Variants in ENOX1 observed in about 807,000 individuals in gnomAD.
The protein encoded by ENOX1 is candidate growth-related and time keeping constitutive hydroquinone (NADH) oxidase.
A neutral mutation model predicts 82.5 loss-of-function variants in ENOX1; 42 were observed. That is an observed-to-expected ratio of 0.51 (90% CI 0.40 to 0.66). The LOEUF is 0.66. ENOX1 is among the 30% of genes least tolerant of loss of function. The probability of loss-of-function intolerance (pLI) is 0.00; values close to 1 mark genes in which losing one functional copy is unlikely to be tolerated. For missense variants in ENOX1, 608 were observed against 811.6 expected (o/e 0.75, Z 3.05); for synonymous variants, 271 against 282.2 (o/e 0.96, Z 0.40).
intron 7 of ENOX1, 75 bp from the exon 8 acceptor site, chr13:43,356,227 G>A (rs1293254640): frequency 1.7e-5 from 22 of 1,316,722 alleles, no homozygotes; most frequent in South Asian, 1.5e-4. Context: ...TTCAAGGCAC[G>A]CTTAGGCAAA....
chr13:43,419,362 T>C (rs2054837090), intron 3 of ENOX1, among the ~76,000 whole-genome samples: 1 of 152,052 alleles, frequency 6.6e-6, no homozygotes, highest in East Asian at 1.9e-4. Context: ...CTGGGCAACA[T>C]AGGGCGATTT....
chr13:43,737,048 CATTTCTTTT>C (rs1160921567), intron 1 of ENOX1, among the ~76,000 whole-genome samples: 2 of 152,206 alleles, frequency 1.3e-5, no homozygotes, highest in South Asian at 2.1e-4. Flanking sequence ...TTCATGCTTA[CATTTCTTTT>C]AGAATACTGA....
intron 1 of ENOX1, among the ~76,000 whole-genome samples, chr13:43,756,555 G>A (rs1950652834): frequency 6.6e-6 from 1 of 150,894 alleles, no homozygotes; most frequent in Admixed American, 6.6e-5. Context: ...GAGGCAGAGA[G>A]AGAGATGTGC....
At chr13:43,473,102 A>G (rs1038672346) in intron 3 of ENOX1, among the ~76,000 whole-genome samples, 2 of 152,126 alleles carry the variant, frequency 1.3e-5, no homozygotes, top group African/African-American at 4.8e-5. Context: ...ATAAACAGAT[A>G]TTTTCCAAGC....
intron 14 of ENOX1, among the ~76,000 whole-genome samples, chr13:43,247,671 G>A (rs1390583243): frequency 1.3e-5 from 2 of 148,942 alleles, no homozygotes; most frequent in South Asian, 2.2e-4. Context: ...CCTCTTGCAC[G>A]GTCCCAGTGC....
At chr13:43,644,504 A>G (rs2083806393) in intron 2 of ENOX1, among the ~76,000 whole-genome samples, 2 of 152,232 alleles carry the variant, frequency 1.3e-5, no homozygotes, top group Admixed American at 1.3e-4. Flanking sequence ...ATAGACAATA[A>G]GTGAATGCTT....
At chr13:43,239,239 G>A (rs968410932) in intron 14 of ENOX1, among the ~76,000 whole-genome samples, 2 of 152,160 alleles carry the variant, frequency 1.3e-5, no homozygotes, top group African/African-American at 2.4e-5. Flanking sequence ...GTCATGGCCA[G>A]TGACTGGAGT....
chr13:43,672,877 C>T (rs2153791920), intron 1 of ENOX1, among the ~76,000 whole-genome samples: 1 of 152,238 alleles, frequency 6.6e-6, no homozygotes, highest in African/African-American at 2.4e-5. Context: ...CATCTGAATT[C>T]ACTACCTACA....
chr13:43,361,403 T>C lies in ENOX1; in HGVS notation c.258A>G (p.Gly86=). Reference sequence around the variant, plus strand: ...GTATCATTGGGTTAATGGGGGTGATTCCAGTCATCATGTTGAGGCTTGGAT... The same window carrying C: ...GTATCATTGGGTTAATGGGGGTGATCCCAGTCATCATGTTGAGGCTTGGAT... ...GFDPSLNMMT[G]ITPINPMIPG... Residue 86 remains glycine, a synonymous_variant, in exon 6 of 17, where the codon GGA becomes GGG. Transcript: ENST00000690772. The C allele has an allele frequency of 6.2e-7, 1 of 1,613,312 alleles. No homozygotes were observed. Among genetic ancestry groups the C allele is most frequent in the East Asian group, 2.2e-5 (1 of 44,848 alleles).
intron 2 of ENOX1, among the ~76,000 whole-genome samples, chr13:43,584,173 C>G (rs1259513649): frequency 1.3e-5 from 2 of 152,172 alleles, no homozygotes; most frequent in African/African-American, 2.4e-5. Context: ...TTGCAGGAGG[C>G]AAAAGCAGCT....
intron 2 of ENOX1, among the ~76,000 whole-genome samples, chr13:43,496,982 A>G (rs966434928): frequency 6.6e-6 from 1 of 152,184 alleles, no homozygotes; most frequent in Non-Finnish European, 1.5e-5. Flanking sequence ...AACTTTTGGG[A>G]CTGTGTTAAA....
At chr13:43,292,009 C>A (rs2046027946) in intron 12 of ENOX1, among the ~76,000 whole-genome samples, 1 of 152,170 alleles carries the variant, frequency 6.6e-6, no homozygotes. Flanking sequence ...CAGAGCTTCA[C>A]AGAAAAGCAA....
chr13:43,715,060 T>C (rs1427617412), intron 1 of ENOX1, among the ~76,000 whole-genome samples: 12 of 152,188 alleles, frequency 7.9e-5, no homozygotes, highest in Admixed American at 7.9e-4. Flanking sequence ...GGTTGTTCCT[T>C]TCCATGTTTA....
At chr13:43,316,399 T>C (rs1200118396) in intron 11 of ENOX1, among the ~76,000 whole-genome samples, 1 of 152,182 alleles carries the variant, frequency 6.6e-6, no homozygotes, top group East Asian at 1.9e-4. Context: ...TATGGAAAGT[T>C]TGTGCACATA....
At chr13:43,470,299 TATATATAC>T (rs2057956480) in intron 3 of ENOX1, among the ~76,000 whole-genome samples, 3 of 49,088 alleles carry the variant, frequency 6.1e-5, no homozygotes, top group East Asian at 3.3e-4. Flanking sequence ...TATATACACA[TATATATAC>T]ATATATATAC....
intron 3 of ENOX1, among the ~76,000 whole-genome samples, chr13:43,451,478 C>G (rs1311607245): frequency 6.6e-6 from 1 of 152,056 alleles, no homozygotes; most frequent in African/African-American, 2.4e-5. Context: ...CAATAGTGGC[C>G]CATTTACAAC....
chr13:43,741,127 C>G (rs1328180699), intron 1 of ENOX1, among the ~76,000 whole-genome samples: 1 of 148,618 alleles, frequency 6.7e-6, no homozygotes, highest in Non-Finnish European at 1.5e-5. Flanking sequence ...CTTTGTGATC[C>G]AGGCTGGAGT....
At chr13:43,574,573 T>G (rs1458082704) in intron 2 of ENOX1, among the ~76,000 whole-genome samples, 1 of 152,214 alleles carries the variant, frequency 6.6e-6, no homozygotes, top group Non-Finnish European at 1.5e-5. Flanking sequence ...TTTCAAAAGT[T>G]TTTAATCTTT....
intron 2 of ENOX1, among the ~76,000 whole-genome samples, chr13:43,613,003 A>C (rs2082262507): frequency 6.6e-6 from 1 of 152,156 alleles, no homozygotes; most frequent in Non-Finnish European, 1.5e-5. Context: ...ATTTGAAGAG[A>C]TGCATGTTTA....
Sources: gnomAD v4.1 joint callset for allele counts (sites outside exome capture counted in the v4.1 genomes callset) on GRCh38, gnomAD v4.1.1 for gene constraint, MANE v1.5 for transcripts, NCBI Gene and HGNC (gene_info 2026-07-23, HGNC 2026-07-21) for gene names.